Variants in CELF2 observed in about 807,000 individuals in gnomAD.
CELF2 encodes CUG triplet repeat RNA-binding protein 2.
Under a neutral mutation model 62.6 loss-of-function variants are expected in CELF2, and 8 were observed. The observed-to-expected ratio is 0.13, with a 90% CI of 0.07 to 0.23. The LOEUF (loss-of-function observed/expected upper bound fraction) is 0.23. Ranked by LOEUF, CELF2 falls within the 10% of genes least tolerant of loss-of-function variation. The probability of loss-of-function intolerance (pLI) is 1.00; values close to 1 mark genes in which losing one functional copy is unlikely to be tolerated. For synonymous variants in CELF2, 258 were observed against 250.0 expected, an observed-to-expected ratio of 1.03 and a Z score of -0.30; for missense variants, 333 against 671.0, an observed-to-expected ratio of 0.50 and a Z score of 5.56.
At chr10:11,093,705 C>T (rs186719699) in intron 1 of CELF2, among the ~76,000 whole-genome samples, 18 of 152,230 alleles carry the variant, frequency 1.2e-4, no homozygotes, top group Admixed American at 1.2e-3. Flanking sequence ...ATGCCTTGTC[C>T]AGGCCCTTTT....
Position 11,159,536 on chromosome 10 carries a change from G to A in CELF2, c.75-5950G>A, listed in dbSNP as rs1318779459. 6.6e-6 allele frequency among the ~76,000 whole-genome samples: 1 copy of A among 152,188 alleles called. No homozygotes were observed. The highest frequency in any genetic ancestry group is 1.5e-5 in the Non-Finnish European group (1 of 68,032). ...GGCGCCTCCTGAGGGTAGGGCCTGAGTTTCTGATGTGTTCTCCAGCATGCA... is the reference window on the plus strand; with the variant it reads ...GGCGCCTCCTGAGGGTAGGGCCTGAATTTCTGATGTGTTCTCCAGCATGCA... On this transcript the variant is annotated intron_variant, in intron 1 of 12. Coordinates refer to ENST00000633077, the MANE Select transcript of CELF2 (RefSeq NM_001326342.2). This position sits in a 1 kb window ranked among gnomAD's most constrained non-coding sequence, Gnocchi z 5.0.
At chr10:10,736,141 C>T in the CELF2 span, among the ~76,000 whole-genome samples, 1 of 152,162 alleles carries the variant, frequency 6.6e-6, no homozygotes, top group African/African-American at 2.4e-5. Flanking sequence ...ACCCTAGATT[C>T]TTTCTGGGCA....
the CELF2 span, among the ~76,000 whole-genome samples, chr10:10,479,859 G>A: frequency 7.8e-4 from 119 of 152,262 alleles, 1 homozygote; most frequent in African/African-American, 2.4e-3. Flanking sequence ...TTACTATTAC[G>A]ATTAGTCACA....
chr10:10,559,076 A>G, the CELF2 span, among the ~76,000 whole-genome samples: 1 of 152,182 alleles, frequency 6.6e-6, no homozygotes, highest in African/African-American at 2.4e-5. Flanking sequence ...TTATGTGGCT[A>G]CTAGAAGATT....
the CELF2 span, among the ~76,000 whole-genome samples, chr10:10,760,782 C>T: frequency 1.3e-5 from 2 of 152,196 alleles, no homozygotes; most frequent in Middle Eastern, 3.4e-3. Flanking sequence ...TGTAAAAGTG[C>T]TGTGGAAAGA....
the CELF2 span, among the ~76,000 whole-genome samples, chr10:10,697,803 T>C: frequency 1.3e-5 from 2 of 152,172 alleles, no homozygotes; most frequent in South Asian, 4.1e-4. Context: ...TTTGGTTTTG[T>C]CTGAGACAGG....
rs564610897 is a variant in CELF2, at chr10:10,956,073, T to G, written c.89+36074T>G. 3.9e-5 allele frequency among the ~76,000 whole-genome samples: 6 copies of G among 152,370 alleles called. No homozygotes were observed. In the East Asian group the frequency reaches 1.2e-3, roughly 29 times the overall value. ...AAGAAAGGGCAACCAAGAGTCCATTTGCCCTGGCTTTTAAATTCGTCTTAT... is the reference window on the plus strand; with the variant it reads ...AAGAAAGGGCAACCAAGAGTCCATTGGCCCTGGCTTTTAAATTCGTCTTAT... On this transcript the variant is annotated intron_variant, in intron 2 of 13. Transcript: ENST00000636488.
chr10:11,095,964 T>C (rs11817961), intron 1 of CELF2, among the ~76,000 whole-genome samples: 73 of 152,212 alleles, frequency 4.8e-4, no homozygotes, highest in African/African-American at 1.8e-3. Flanking sequence ...CCATATGTAT[T>C]GAACATTATC....
chr10:11,042,596 A>G (rs1207759248), intron 1 of CELF2, among the ~76,000 whole-genome samples: 1 of 152,182 alleles, frequency 6.6e-6, no homozygotes, highest in Admixed American at 6.5e-5. Flanking sequence ...GGTTTTTATC[A>G]TATGCACAAA....
chr10:11,231,588 A>AT (rs1388859545), intron 3 of CELF2, among the ~76,000 whole-genome samples: 2 of 152,116 alleles, frequency 1.3e-5, no homozygotes, highest in Non-Finnish European at 2.9e-5. Context: ...TGCAGAACTT[A>AT]CAGAAGCACA....
chr10:10,774,053 G>C, the CELF2 span, among the ~76,000 whole-genome samples: 1 of 152,188 alleles, frequency 6.6e-6, no homozygotes, highest in Non-Finnish European at 1.5e-5. Flanking sequence ...GATTGTTGCT[G>C]CTGGAGACTA....
intron 1 of CELF2, among the ~76,000 whole-genome samples, chr10:11,048,990 G>C (rs6602473): frequency 0.23 from 34,822 of 152,048 alleles, 4,178 homozygotes; most frequent in Middle Eastern, 0.29. Flanking sequence ...TGTATTAGAA[G>C]CCAGAGGAGC....
At chr10:11,020,865 G>T (rs1250905702) in intron 1 of CELF2, among the ~76,000 whole-genome samples, 1 of 152,170 alleles carries the variant, frequency 6.6e-6, no homozygotes, top group East Asian at 1.9e-4. Flanking sequence ...TGTAACATAT[G>T]CTTCAAAGTT....
intron 8 of CELF2, among the ~76,000 whole-genome samples, chr10:11,276,747 C>T (rs1446961035): frequency 6.6e-6 from 1 of 152,200 alleles, no homozygotes; most frequent in African/African-American, 2.4e-5. Flanking sequence ...AGGCTGCTGC[C>T]GAGCGTGCTG....
At chr10:11,091,882 A>G (rs1033128042) in intron 1 of CELF2, among the ~76,000 whole-genome samples, 12 of 152,238 alleles carry the variant, frequency 7.9e-5, no homozygotes, top group Non-Finnish European at 1.5e-4. Context: ...TGAGGAAACC[A>G]GTAAGACGGT....
intron 2 of CELF2, among the ~76,000 whole-genome samples, chr10:10,953,918 G>A (rs2048596142): frequency 6.6e-6 from 1 of 151,386 alleles, no homozygotes; most frequent in Non-Finnish European, 1.5e-5. Flanking sequence ...AATCAAAATA[G>A]CAAATACTAG....
At chr10:11,001,590 AAAGGCC>A (rs1468025973), upstream of CELF2, among the ~76,000 whole-genome samples, 2 of 152,214 alleles carry the variant, frequency 1.3e-5, no homozygotes, top group Non-Finnish European at 2.9e-5. Context: ...TCAAATCTGA[AAAGGCC>A]AAGAAGCTGG....
At chr10:11,055,498 T>G (rs2065029882) in intron 1 of CELF2, among the ~76,000 whole-genome samples, 1 of 152,244 alleles carries the variant, frequency 6.6e-6, no homozygotes, top group Non-Finnish European at 1.5e-5. Flanking sequence ...CACTCTCAGG[T>G]GCATTTCTCC....
intron 2 of CELF2, among the ~76,000 whole-genome samples, chr10:10,963,148 C>G (rs889786630): frequency 3.9e-5 from 6 of 152,018 alleles, no homozygotes; most frequent in African/African-American, 1.2e-4. Context: ...TCAAGCAACT[C>G]TCCTGCCTCA....
Sources: allele counts gnomAD v4.1 joint callset (sites outside exome capture counted in the v4.1 genomes callset), GRCh38; gene constraint gnomAD v4.1.1; non-coding constraint Gnocchi (gnomAD v3.1); transcripts MANE v1.5; gene names NCBI Gene and HGNC (gene_info 2026-07-23, HGNC 2026-07-21).